JAKMIP1: variants seen among roughly 807,000 people sequenced by gnomAD.
JAKMIP1 encodes janus kinase and microtubule interacting protein 1, also known as janus kinase and microtubule-interacting protein 1.
JAKMIP1 carries 33 observed loss-of-function variants against 113.0 expected under a neutral mutation model. The observed-to-expected ratio is 0.29, with a 90% confidence interval of 0.22 to 0.39. JAKMIP1 has a LOEUF of 0.39. JAKMIP1 is among the 10% of genes least tolerant of loss of function. The pLI, the probability that JAKMIP1 is intolerant of heterozygous loss-of-function variation, is 1.00. For synonymous variants in JAKMIP1, 480 were observed against 459.9 expected, an observed-to-expected ratio of 1.04 and a Z score of -0.56; for missense variants, 813 against 1,080.5, an observed-to-expected ratio of 0.75 and a Z score of 3.47.
In JAKMIP1 at chr4:6,197,625, G is replaced by A. The variant is rs1279061692; in HGVS notation, c.-148+2628C>T. Among the ~76,000 whole-genome samples the A allele has an allele frequency of 2.0e-5, 3 of 152,224 alleles. No individual in the cohort carries two copies. Among genetic ancestry groups the A allele is most frequent in the Non-Finnish European group, 4.4e-5 (3 of 68,036 alleles). ...GTTGATCCCGTCGCCACTATGGGGA[G>A]AGGAGTGACCCAGCAGAACTGGGAC... On this transcript the variant is annotated intron_variant, in intron 1 of 20. Transcript: ENST00000409021. The surrounding 1 kb of genome is among the most constrained non-coding windows in gnomAD (Gnocchi z 6.5).
In JAKMIP1 at chr4:6,187,798, AACATCT is replaced by A. The variant is rs1321708595; in HGVS notation, c.-148+12449_-148+12454del. On this transcript the variant is annotated intron_variant, in intron 1 of 20. Coordinates refer to ENST00000409021, the MANE Select transcript of JAKMIP1 (RefSeq NM_001099433.2). The surrounding 1 kb of genome is among the most constrained non-coding windows in gnomAD (Gnocchi z 4.2). ...TTGGATCATATATTTTATCCCTGAC[AACATCT>A]ACCTTTTGACTGGCTTATTTAACCT... Among the ~76,000 whole-genome samples, 1 of 152,004 alleles carries A rather than the reference AACATCT, an allele frequency of 6.6e-6. No individual in the cohort carries two copies. The highest frequency in any genetic ancestry group is 1.5e-5 in the Non-Finnish European group (1 of 68,040).
At chr4:6,127,050 A>G (rs77416226) in intron 1 of JAKMIP1, among the ~76,000 whole-genome samples, 8 of 152,116 alleles carry the variant, frequency 5.3e-5, no homozygotes, top group Non-Finnish European at 8.8e-5. Context: ...ACACCCCCAT[A>G]CCACACCCGG....
At chr4:6,170,822 C>T (rs1350499432) in intron 1 of JAKMIP1, among the ~76,000 whole-genome samples, 2 of 88,072 alleles carry the variant, frequency 2.3e-5, no homozygotes, top group Non-Finnish European at 5.8e-5. Context: ...ACCACCATCC[C>T]AGAACCACCA....
chr4:6,187,240 G>A lies in JAKMIP1; in HGVS notation c.-148+13013C>T, dbSNP rs1726749749. Among the ~76,000 whole-genome samples the A allele has an allele frequency of 6.6e-6, 1 of 152,154 alleles. No individual in the cohort carries two copies. Among genetic ancestry groups the A allele is most frequent in the Admixed American group, 6.5e-5 (1 of 15,276 alleles). ...ATTGAACTTCTTGTCATTATAAAAT[G>A]TTACTTTTTATCTCTAGTAACTTTT... On this transcript the variant is annotated intron_variant, in intron 1 of 20. Coordinates refer to ENST00000409021, the MANE Select transcript of JAKMIP1 (RefSeq NM_001099433.2). The surrounding 1 kb of genome is among the most constrained non-coding windows in gnomAD (Gnocchi z 4.2).
At chr4:6,117,509 ACAGGAC>A (rs1285057341) in intron 1 of JAKMIP1, among the ~76,000 whole-genome samples, 24 of 134,214 alleles carry the variant, frequency 1.8e-4, no homozygotes, top group Admixed American at 1.2e-3. Flanking sequence ...TCACAGGACC[ACAGGAC>A]CAGGACCGAA....
chr4:6,098,423 A>C (rs1712210935), intron 3 of JAKMIP1, among the ~76,000 whole-genome samples: 1 of 151,608 alleles, frequency 6.6e-6, no homozygotes, highest in East Asian at 1.9e-4. Flanking sequence ...ACAAGAGTGA[A>C]ACTTCATCTG....
Position 6,180,587 on chromosome 4 carries a change from A to C in JAKMIP1, c.-148+19666T>G, listed in dbSNP as rs1409748010. Among the ~76,000 whole-genome samples the C allele has an allele frequency of 6.6e-6, 1 of 152,230 alleles. No homozygotes were observed. Among genetic ancestry groups the C allele is most frequent in the Non-Finnish European group, 1.5e-5 (1 of 68,044 alleles). ...ACCATTTATATAGCTCTCACTGTGTAGCAGGAACTGTTTCAAACTGTCCAA... is the reference window on the plus strand; with the variant it reads ...ACCATTTATATAGCTCTCACTGTGTCGCAGGAACTGTTTCAAACTGTCCAA... On this transcript the variant is annotated intron_variant, in intron 1 of 20. Transcript: ENST00000409021. The surrounding 1 kb of genome is among the most constrained non-coding windows in gnomAD (Gnocchi z 4.5).
chr4:6,111,957 A>T (rs1414626369), intron 2 of JAKMIP1, among the ~76,000 whole-genome samples: 2 of 152,310 alleles, frequency 1.3e-5, no homozygotes, highest in Non-Finnish European at 2.9e-5. Context: ...ATCTGAACGG[A>T]TCCCTCCTCT....
At chr4:6,041,850 G>A (rs1223571768) in intron 17 of JAKMIP1, among the ~76,000 whole-genome samples, 3 of 152,142 alleles carry the variant, frequency 2.0e-5, no homozygotes, top group South Asian at 4.1e-4. Context: ...GCTCATGAAC[G>A]CATGACCCTG....
At position 6,105,388 on chromosome 4, in the gene JAKMIP1, C is replaced by T. The variant is rs552575040; in HGVS notation, c.624+85G>A. 9.1e-4 allele frequency: 1,223 copies of T among 1,347,736 alleles called. 1 individual carries two copies. The highest frequency in any genetic ancestry group is 1.2e-3 in the Non-Finnish European group (1,154 of 998,876). The allele number at this position is 1,347,736 out of a possible 1,614,324, so 83.5% of individuals were successfully genotyped here. A position where few individuals can be genotyped will look rare whatever the true frequency, so the allele number is the denominator to read the frequency against. On this transcript the variant is annotated intron_variant, in intron 3 of 20. Coordinates refer to ENST00000409021, the MANE Select transcript of JAKMIP1 (RefSeq NM_001099433.2). ...GCTTTGAACAATGCCTGGAGCACAGCAGGTCCTCGGAGCTCCGCATTTCCC... is the reference window on the plus strand; with the variant it reads ...GCTTTGAACAATGCCTGGAGCACAGTAGGTCCTCGGAGCTCCGCATTTCCC...
rs1349221178 is a variant in JAKMIP1 at position 6,086,927 on chromosome 4, G to T, written c.625-1298C>A. Reference sequence around the variant, plus strand: ...CAACACCAGCATCAGGAAGAGGCTGGGAAAGATCCTCTTCCACAGCCTTAG... The same window carrying T: ...CAACACCAGCATCAGGAAGAGGCTGTGAAAGATCCTCTTCCACAGCCTTAG... On this transcript the variant is annotated intron_variant, in intron 3 of 20. Coordinates refer to ENST00000409021, the MANE Select transcript of JAKMIP1 (RefSeq NM_001099433.2). This position sits in a 1 kb window ranked among gnomAD's most constrained non-coding sequence, Gnocchi z 4.1. 1.3e-5 allele frequency among the ~76,000 whole-genome samples: 2 copies of T among 152,078 alleles called. No homozygotes were observed. Among genetic ancestry groups the T allele is most frequent in the African/African-American group, 4.8e-5 (2 of 41,422 alleles).
chr4:6,197,484 G>A lies in JAKMIP1; in HGVS notation c.-148+2769C>T, dbSNP rs1034025715. 6.6e-6 allele frequency among the ~76,000 whole-genome samples: 1 copy of A among 152,182 alleles called. No individual in the cohort carries two copies. Among genetic ancestry groups the A allele is most frequent in the African/African-American group, 2.4e-5 (1 of 41,434 alleles). On this transcript the variant is annotated intron_variant, in intron 1 of 20. Transcript: ENST00000409021. This position sits in a 1 kb window ranked among gnomAD's most constrained non-coding sequence, Gnocchi z 6.5. The stretch of plus-strand genomic sequence containing the variant: ...CCCACACCAACCTAGCCAAAGAGAT[G>A]CCACTGCCCCCTTTTATACAGGAAA...
intron 3 of JAKMIP1, among the ~76,000 whole-genome samples, chr4:6,098,476 GGAAA>G (rs1712223075): frequency 7.0e-6 from 1 of 143,606 alleles, no homozygotes; most frequent in Admixed American, 7.5e-5. Flanking sequence ...CAGGAGGGAA[GGAAA>G]GAAAGAAAAG....
In JAKMIP1 at chr4:6,199,925, G is replaced by T. The variant is rs1728264463; in HGVS notation, c.-148+328C>A. Among the ~76,000 whole-genome samples the T allele has an allele frequency of 6.6e-6, 1 of 151,246 alleles. No individual in the cohort carries two copies. The highest frequency in any genetic ancestry group is 2.4e-5 in the African/African-American group (1 of 41,172). On this transcript the variant is annotated intron_variant, in intron 1 of 20. Transcript: ENST00000409021. The surrounding 1 kb of genome is among the most constrained non-coding windows in gnomAD (Gnocchi z 5.6). ...CGGAATCCGGAGAAGAGTGGAAATA[G>T]GGGTGGCGTGAAGGAGAGCTGGGGG...
intron 8 of JAKMIP1, among the ~76,000 whole-genome samples, chr4:6,072,439 G>T (rs1018380138): frequency 4.6e-5 from 7 of 152,238 alleles, no homozygotes; most frequent in African/African-American, 1.7e-4. Context: ...TTTGATCAGA[G>T]CTGCATGAAA....
At chr4:6,048,275 C>T (rs964834677) in intron 16 of JAKMIP1, among the ~76,000 whole-genome samples, 5 of 152,140 alleles carry the variant, frequency 3.3e-5, no homozygotes, top group South Asian at 2.1e-4. Flanking sequence ...TTGACAATGC[C>T]GTAGTCCTTC....
chr4:6,159,929 G>C (rs1233484117), intron 1 of JAKMIP1, among the ~76,000 whole-genome samples: 2 of 152,144 alleles, frequency 1.3e-5, no homozygotes, highest in Non-Finnish European at 2.9e-5. Flanking sequence ...GGGAAAGTGG[G>C]TCACAAACAA....
chr4:6,054,193 T>C, intron 12 of JAKMIP1, 45 bp from the exon 13 acceptor site: 1 of 1,592,378 alleles, frequency 6.3e-7, no homozygotes. Flanking sequence ...GTGGGAGCAC[T>C]GGGGTCCCCT....
intron 16 of JAKMIP1, among the ~76,000 whole-genome samples, chr4:6,048,355 T>G (rs913479597): frequency 7.2e-5 from 11 of 152,206 alleles, no homozygotes; most frequent in Non-Finnish European, 1.6e-4. Flanking sequence ...TTTTAAGACG[T>G]AGATAGAAAT....
Sources: allele counts gnomAD v4.1 joint callset (sites outside exome capture counted in the v4.1 genomes callset), GRCh38; gene constraint gnomAD v4.1.1; non-coding constraint Gnocchi (gnomAD v3.1); transcripts MANE v1.5; gene names NCBI Gene and HGNC (gene_info 2026-07-23, HGNC 2026-07-21).